Variants in MBD5 observed in about 807,000 individuals in gnomAD.
MBD5 encodes the protein methyl-CpG binding domain protein 5.
Under a neutral mutation model 117.3 loss-of-function variants are expected in MBD5, and 13 were observed. The ratio of observed to expected loss-of-function variants is 0.11; its 90% CI spans 0.07 to 0.18. The LOEUF (loss-of-function observed/expected upper bound fraction) is 0.18, where lower values mean the gene tolerates loss of function less well. MBD5 is among the 10% of genes least tolerant of loss of function. The pLI is 1.00. For synonymous variants in MBD5, 727 were observed against 766.4 expected (o/e 0.95, Z 0.85); for missense variants, 1,879 against 2,093.8 (o/e 0.90, Z 2.00).
At chr2:148,293,713 A>G (rs979057019) in intron 3 of MBD5, among the ~76,000 whole-genome samples, 1 of 152,208 alleles carries the variant, frequency 6.6e-6, no homozygotes, top group African/African-American at 2.4e-5. Flanking sequence ...CTGGGGGGAA[A>G]ACATGCATTC....
chr2:148,061,537 G>A (rs1017992158), intron 1 of MBD5, among the ~76,000 whole-genome samples: 1 of 151,910 alleles, frequency 6.6e-6, no homozygotes, highest in Non-Finnish European at 1.5e-5. Flanking sequence ...ATTGTCAAAT[G>A]TAATATTCCT....
intron 1 of MBD5, among the ~76,000 whole-genome samples, chr2:148,057,915 A>G (rs1661450426): frequency 6.6e-6 from 1 of 152,034 alleles, no homozygotes; most frequent in African/African-American, 2.4e-5. Context: ...TTTCTGGGTC[A>G]TGCAATAAGC....
intron 2 of MBD5, among the ~76,000 whole-genome samples, chr2:148,211,911 AT>A (rs1699431819): frequency 6.6e-6 from 1 of 151,760 alleles, no homozygotes; most frequent in South Asian, 2.1e-4. Flanking sequence ...TGCCCAGCTA[AT>A]TTTTTTCTGT....
intron 4 of MBD5, among the ~76,000 whole-genome samples, chr2:148,419,410 C>A (rs781778531): frequency 5.6e-4 from 85 of 152,154 alleles, no homozygotes; most frequent in Non-Finnish European, 1.1e-3. Context: ...ATATATTTTA[C>A]TTTGGTTTAG....
intron 1 of MBD5, among the ~76,000 whole-genome samples, chr2:148,112,775 C>G (rs1696531237): frequency 6.6e-6 from 1 of 151,940 alleles, no homozygotes; most frequent in Non-Finnish European, 1.5e-5. Flanking sequence ...AAAAAAAATT[C>G]AATCTGGACT....
intron 4 of MBD5, among the ~76,000 whole-genome samples, chr2:148,347,893 C>A (rs985832640): frequency 6.6e-6 from 1 of 151,864 alleles, no homozygotes; most frequent in Non-Finnish European, 1.5e-5. Context: ...GCCTACCCTA[C>A]CCCCCAATGC....
chr2:148,343,848 A>G (rs1203097399), intron 4 of MBD5, among the ~76,000 whole-genome samples: 15 of 152,030 alleles, frequency 9.9e-5, no homozygotes. Context: ...TTTTGTTGCA[A>G]TTGCTTTTGA....
intron 1 of MBD5, among the ~76,000 whole-genome samples, chr2:148,109,781 A>G (rs1696465211): frequency 6.6e-6 from 1 of 152,120 alleles, no homozygotes; most frequent in African/African-American, 2.4e-5. Context: ...AAACATTCTC[A>G]TTTTGCTTAT....
At chr2:148,262,798 T>C (rs781568270) in intron 3 of MBD5, among the ~76,000 whole-genome samples, 2 of 152,190 alleles carry the variant, frequency 1.3e-5, no homozygotes, top group African/African-American at 4.8e-5. Context: ...GGAGAACCCA[T>C]ACAGTTAAGT....
At chr2:148,389,719 T>G (rs913528472) in intron 4 of MBD5, among the ~76,000 whole-genome samples, 1 of 152,026 alleles carries the variant, frequency 6.6e-6, no homozygotes, top group African/African-American at 2.4e-5. Flanking sequence ...TTGTTGGATG[T>G]TTGTATGTCT....
At chr2:148,446,794 A>G (rs572926706) in intron 4 of MBD5, among the ~76,000 whole-genome samples, 1 of 152,194 alleles carries the variant, frequency 6.6e-6, no homozygotes, top group East Asian at 1.9e-4. Context: ...GCTGAGGAAG[A>G]GCCTTGTCAC....
chr2:148,417,749 G>A (rs1705467118), intron 4 of MBD5, among the ~76,000 whole-genome samples: 1 of 151,228 alleles, frequency 6.6e-6, no homozygotes, highest in Admixed American at 6.6e-5. Context: ...TTCGCCATTT[G>A]TATATCTTCT....
At chr2:148,280,728 C>A (rs1436373841) in intron 3 of MBD5, among the ~76,000 whole-genome samples, 1 of 152,158 alleles carries the variant, frequency 6.6e-6, no homozygotes, top group Non-Finnish European at 1.5e-5. Context: ...CCATGCCTGG[C>A]CTAAAGTTGT....
chr2:148,470,675 A>C lies in MBD5; in HGVS notation c.2518+214A>C, dbSNP rs1680767557. 1.3e-5 allele frequency: 7 copies of C among 536,142 alleles called. No individual in the cohort carries two copies. In the East Asian group the frequency reaches 1.8e-4, roughly 14 times the overall value. 33.2% of individuals were successfully genotyped at this position (536,142 alleles called of 1,614,324 possible). A position where few individuals can be genotyped will look rare whatever the true frequency, so the allele number is the denominator to read the frequency against. On this transcript the variant is annotated intron_variant, in intron 8 of 13. Transcript: ENST00000642680. ...TAAGAGGATTTCATGTGTTTCCATT[A>C]TTTGTTGTCAATCTGTGTCATTTTG...
chr2:148,384,811 A>G (rs1406128713), intron 4 of MBD5, among the ~76,000 whole-genome samples: 2 of 151,928 alleles, frequency 1.3e-5, no homozygotes, highest in South Asian at 4.2e-4. Context: ...AATGCCACAT[A>G]TCTACAACCA....
At chr2:148,496,515 G>A (rs1362885407) in intron 11 of MBD5, among the ~76,000 whole-genome samples, 1 of 152,192 alleles carries the variant, frequency 6.6e-6, no homozygotes, top group Non-Finnish European at 1.5e-5. Flanking sequence ...CAGACTACAT[G>A]AGCTTGTTCA....
At chr2:148,330,662 A>C (rs181298227) in intron 3 of MBD5, 5 of 152,260 alleles carry the variant, frequency 3.3e-5, no homozygotes, top group Admixed American at 2.6e-4. Flanking sequence ...CTTTACGGTG[A>C]TAAGTGAGTT....
intron 7 of MBD5, among the ~76,000 whole-genome samples, chr2:148,467,541 G>T (rs1223695018): frequency 6.6e-6 from 1 of 152,136 alleles, no homozygotes; most frequent in Non-Finnish European, 1.5e-5. Flanking sequence ...ACACCCAATT[G>T]TCTAATGAAA....
chr2:148,417,041 A>G (rs1351133834), intron 4 of MBD5, among the ~76,000 whole-genome samples: 1 of 152,182 alleles, frequency 6.6e-6, no homozygotes. Flanking sequence ...TCATCGGTTG[A>G]TGAACATTTA....
Sources: gnomAD v4.1 joint callset for allele counts (sites outside exome capture counted in the v4.1 genomes callset) on GRCh38, gnomAD v4.1.1 for gene constraint, MANE v1.5 for transcripts, NCBI Gene and HGNC (gene_info 2026-07-23, HGNC 2026-07-21) for gene names.